RAP1B: variants seen among roughly 807,000 people sequenced by gnomAD.
The protein encoded by RAP1B is ras-related protein Rap-1b.
A neutral mutation model predicts 27.5 loss-of-function variants in RAP1B; 1 was observed. The ratio of observed to expected loss-of-function variants is 0.04; its 90% CI spans 0.01 to 0.17. RAP1B has a LOEUF of 0.17. Ranked by LOEUF, RAP1B falls within the 10% of genes least tolerant of loss-of-function variation. The pLI, the probability that RAP1B is intolerant of heterozygous loss-of-function variation, is 1.00. For synonymous variants in RAP1B, 75 were observed against 73.1 expected (o/e 1.03, Z -0.13); for missense variants, 84 against 214.8 (o/e 0.39, Z 3.81).
intron 4 of RAP1B, 130 bp from the exon 5 acceptor site, chr12:68,653,982 G>T: frequency 1.2e-6 from 1 of 802,468 alleles, no homozygotes; most frequent in Non-Finnish European, 1.9e-6. Context: ...TCTTGTCATA[G>T]ATTATAATTT....
intron 4 of RAP1B, among the ~76,000 whole-genome samples, chr12:68,652,668 A>T (rs563124895): frequency 2.5e-4 from 38 of 152,076 alleles, no homozygotes; most frequent in African/African-American, 9.2e-4. Flanking sequence ...TATAAAAAAA[A>T]TTAGCCGGGC....
chr12:68,656,571 A>G (rs1380611035), intron 6 of RAP1B, 122 bp downstream of exon 6: 2 of 938,236 alleles, frequency 2.1e-6, no homozygotes, highest in South Asian at 3.0e-5. Flanking sequence ...ACAGGCAAAA[A>G]AAAAAAACCC....
At position 68,670,827 on chromosome 12, in the gene RAP1B, G is replaced by C. The variant is rs1875058123; in HGVS notation, c.*11578G>C. The C allele has an allele frequency of 6.6e-6, 1 of 152,116 alleles. No homozygotes were observed. The highest frequency in any genetic ancestry group is 2.4e-5 in the African/African-American group (1 of 41,412). The allele number at this position is 152,116 out of a possible 1,614,324, so 9.4% of individuals were successfully genotyped here. A position where few individuals can be genotyped will look rare whatever the true frequency, so the allele number is the denominator to read the frequency against. On this transcript the variant is annotated 3_prime_UTR_variant, in exon 8 of 8. Coordinates refer to ENST00000250559, the MANE Select transcript of RAP1B (RefSeq NM_001010942.3). ...GTGGATCACCTGAGGTCAGGAGTTT[G>C]AGACTAGCCTGGCCAACGTGGAGAA...
At chr12:68,627,102 A>C in intron 1 of RAP1B, 1 of 1,590,992 alleles carries the variant, frequency 6.3e-7, no homozygotes, top group Non-Finnish European at 8.5e-7. Context: ...CTTGGTGTGA[A>C]TGGAGATGAT....
At chr12:68,618,287 A>G (rs2135913789) in intron 1 of RAP1B, among the ~76,000 whole-genome samples, 1 of 151,048 alleles carries the variant, frequency 6.6e-6, no homozygotes, top group Non-Finnish European at 1.5e-5. Flanking sequence ...ACGGGGCTTC[A>G]CCATATTGGC....
chr12:68,616,966 A>G (rs541120034), intron 1 of RAP1B, among the ~76,000 whole-genome samples: 15 of 152,314 alleles, frequency 9.8e-5, no homozygotes, highest in African/African-American at 3.6e-4. Flanking sequence ...CCTTGTAGGA[A>G]GGGAAAAAGA....
At chr12:68,614,573 G>A (rs1166295583) in intron 1 of RAP1B, among the ~76,000 whole-genome samples, 1 of 152,196 alleles carries the variant, frequency 6.6e-6, no homozygotes, top group African/African-American at 2.4e-5. Context: ...GACATAGGTT[G>A]TGACTAAAAA....
rs1042746757 is a variant in RAP1B, at chr12:68,670,571, G to C, written c.*11322G>C. ...TTATGTCCCAATAAGCCCATCAGAA[G>C]TCAAAAATGTAAGTCGAAAATGCAT... On this transcript the variant is annotated 3_prime_UTR_variant, in exon 8 of 8. Coordinates refer to ENST00000250559, the MANE Select transcript of RAP1B (RefSeq NM_001010942.3). The C allele has an allele frequency of 6.6e-6, 1 of 152,092 alleles. No individual in the cohort carries two copies. The highest frequency in any genetic ancestry group is 1.5e-5 in the Non-Finnish European group (1 of 67,994). 9.4% of individuals were successfully genotyped at this position (152,092 alleles called of 1,614,324 possible). A position where few individuals can be genotyped will look rare whatever the true frequency, so the allele number is the denominator to read the frequency against.
At chr12:68,657,717 TA>T (rs1874304973) in intron 7 of RAP1B, 1 of 144,962 alleles carries the variant, frequency 6.9e-6, no homozygotes, top group East Asian at 2.1e-4. Context: ...ACCCCGTCCC[TA>T]ATTTAAAACA....
intron 1 of RAP1B, among the ~76,000 whole-genome samples, chr12:68,640,048 T>C (rs905381530): frequency 6.6e-6 from 1 of 151,776 alleles, no homozygotes; most frequent in Non-Finnish European, 1.5e-5. Flanking sequence ...ACCATGTTGG[T>C]CAGGATGGTC....
intron 5 of RAP1B, among the ~76,000 whole-genome samples, chr12:68,655,662 A>G (rs747612801): frequency 1.3e-5 from 2 of 151,758 alleles, no homozygotes; most frequent in Non-Finnish European, 2.9e-5. Context: ...CAGCCTCCCA[A>G]GTAGCTGGAA....
intron 4 of RAP1B, among the ~76,000 whole-genome samples, 162 bp downstream of exon 4, chr12:68,652,213 A>G (rs1482827141): frequency 1.3e-5 from 2 of 152,194 alleles, no homozygotes; most frequent in Non-Finnish European, 2.9e-5. Context: ...CGGGAGGTCA[A>G]GGTTGCTGGA....
Position 68,640,201 on chromosome 12 carries a change from AAATTT to A in RAP1B, c.-26-8494_-26-8490del, listed in dbSNP as rs199775006. On this transcript the variant is annotated intron_variant, in intron 1 of 7. Coordinates refer to ENST00000250559, the MANE Select transcript of RAP1B (RefSeq NM_001010942.3). ...TAATGGTAGTCTTTTGTTAAAAACA[AAATTT>A]AATATCAATCCATTGACAGGACTCT... is the stretch of plus-strand genomic sequence containing the variant. Among the ~76,000 whole-genome samples, 1,388 of 152,268 alleles carry A rather than the reference AAATTT, an allele frequency of 9.1e-3. 9 individuals are homozygous for A. The highest frequency in any genetic ancestry group is 0.02 in the South Asian group (94 of 4,816).
intron 5 of RAP1B, among the ~76,000 whole-genome samples, chr12:68,655,737 T>C (rs935967349): frequency 6.6e-6 from 1 of 152,138 alleles, no homozygotes; most frequent in African/African-American, 2.4e-5. Flanking sequence ...GGTTTCGCCA[T>C]GTTGGCCAGG....
chr12:68,649,177 T>A (rs1198532517), intron 2 of RAP1B: 3 of 160,976 alleles, frequency 1.9e-5, no homozygotes, highest in African/African-American at 7.2e-5. Flanking sequence ...CCTGAATGCT[T>A]GGGACTACAG....
At chr12:68,611,095 CGGGGCCGGGCGCCGGCTGAGG>C (rs1349232184) in intron 1 of RAP1B, 52 bp downstream of exon 1, 4 of 207,090 alleles carry the variant, frequency 1.9e-5, no homozygotes, top group Non-Finnish European at 3.8e-5. Context: ...GGCGGCCGCG[CGGGGCCGGGCGCCGGCTGAGG>C]GGAGCGGGTG....
At chr12:68,612,652 A>C (rs2135903690) in intron 1 of RAP1B, among the ~76,000 whole-genome samples, 1 of 152,324 alleles carries the variant, frequency 6.6e-6, no homozygotes, top group South Asian at 2.1e-4. Flanking sequence ...TGGGTACCTT[A>C]GTCAAATAGG....
intron 1 of RAP1B, chr12:68,626,839 G>A (rs1042130316): frequency 5.5e-5 from 85 of 1,554,450 alleles, no homozygotes; most frequent in Non-Finnish European, 1.5e-5. Context: ...TTATTGGTGA[G>A]TATTAAGAGG....
rs1874658290 is a variant in RAP1B at position 68,662,555 on chromosome 12, T to C, written c.*3306T>C. ...ACAGCAAACTTAGAATCGAAACTCATCACTACAACTTTTCTTTGAGTTAAA... is the reference window on the plus strand; with the variant it reads ...ACAGCAAACTTAGAATCGAAACTCACCACTACAACTTTTCTTTGAGTTAAA... On this transcript the variant is annotated 3_prime_UTR_variant, in exon 8 of 8. Coordinates refer to ENST00000250559, the MANE Select transcript of RAP1B (RefSeq NM_001010942.3). 6.6e-6 allele frequency: 1 copy of C among 152,016 alleles called. No individual in the cohort carries two copies. The highest frequency in any genetic ancestry group is 2.4e-5 in the African/African-American group (1 of 41,412). 9.4% of individuals were successfully genotyped at this position (152,016 alleles called of 1,614,324 possible). A position where few individuals can be genotyped will look rare whatever the true frequency, so the allele number is the denominator to read the frequency against.
Sources: gnomAD v4.1 joint callset for allele counts (sites outside exome capture counted in the v4.1 genomes callset) on GRCh38, gnomAD v4.1.1 for gene constraint, MANE v1.5 for transcripts, NCBI Gene and HGNC (gene_info 2026-07-23, HGNC 2026-07-21) for gene names.